CRACD: variants seen among roughly 807,000 people sequenced by gnomAD.
CRACD encodes the protein capping protein inhibiting regulator of actin dynamics.
A neutral mutation model predicts 106.8 loss-of-function variants in CRACD; 56 were observed. The ratio of observed to expected loss-of-function variants is 0.52; its 90% CI spans 0.42 to 0.66. CRACD has a LOEUF of 0.66. CRACD is among the 30% of genes least tolerant of loss of function. The pLI is 0.00. For missense variants in CRACD, 1,730 were observed against 1,623.2 expected (o/e 1.07, Z -1.13); for synonymous variants, 754 against 670.8 (o/e 1.12, Z -1.92).
intron 1 of CRACD, among the ~76,000 whole-genome samples, chr4:56,092,639 G>A (rs1733459447): frequency 6.6e-6 from 1 of 151,846 alleles, no homozygotes; most frequent in African/African-American, 2.4e-5. Flanking sequence ...GTCTCACTCT[G>A]TCGCCCAGGC....
At chr4:56,307,752 T>A in intron 5 of CRACD, 53 bp downstream of exon 5, 1 of 1,582,662 alleles carries the variant, frequency 6.3e-7, no homozygotes, top group Non-Finnish European at 8.7e-7. Flanking sequence ...GGCAGGACAT[T>A]GGGCCTCCAG....
At chr4:56,057,701 T>A (rs1282893983) in intron 1 of CRACD, among the ~76,000 whole-genome samples, 1 of 146,738 alleles carries the variant, frequency 6.8e-6, no homozygotes, top group African/African-American at 2.5e-5. Context: ...CTCAGCTCAC[T>A]GCAACCTCTG....
At chr4:56,259,862 T>A (rs1741593719) in intron 2 of CRACD, among the ~76,000 whole-genome samples, 1 of 152,134 alleles carries the variant, frequency 6.6e-6, no homozygotes, top group Admixed American at 6.5e-5. Context: ...GTAGAGCATG[T>A]CTAGAATACA....
intron 3 of CRACD, among the ~76,000 whole-genome samples, chr4:56,281,148 G>T (rs1014684324): frequency 1.3e-5 from 2 of 152,184 alleles, no homozygotes; most frequent in Non-Finnish European, 2.9e-5. Context: ...AGGCCGCACA[G>T]CAGGGGGTAA....
intron 1 of CRACD, among the ~76,000 whole-genome samples, chr4:56,104,419 AC>A (rs1254081623): frequency 6.6e-6 from 1 of 152,122 alleles, no homozygotes; most frequent in African/African-American, 2.4e-5. Flanking sequence ...AAAAAAACAA[AC>A]AAAACCAAAA....
chr4:56,284,070 A>G (rs1743186134), intron 3 of CRACD, among the ~76,000 whole-genome samples: 1 of 152,088 alleles, frequency 6.6e-6, no homozygotes, highest in Admixed American at 6.6e-5. Flanking sequence ...CCCATAACAC[A>G]TCTGCCTCAC....
intron 1 of CRACD, among the ~76,000 whole-genome samples, chr4:56,080,679 A>G (rs1006076355): frequency 6.6e-6 from 1 of 152,236 alleles, no homozygotes; most frequent in Non-Finnish European, 1.5e-5. Context: ...AAATGGTGAT[A>G]GCTTGCCAAC....
chr4:56,199,638 T>C (rs1577733115), intron 2 of CRACD, among the ~76,000 whole-genome samples: 1 of 142,358 alleles, frequency 7.0e-6, no homozygotes, highest in East Asian at 2.1e-4. Context: ...GCCAAGATGG[T>C]GCCACTGCAC....
intron 2 of CRACD, among the ~76,000 whole-genome samples, chr4:56,207,802 A>G (rs1332777365): frequency 2.0e-5 from 2 of 100,364 alleles, no homozygotes; most frequent in Non-Finnish European, 4.0e-5. Context: ...TTATTTTTTC[A>G]TTTATTTTAT....
At chr4:56,153,816 G>T (rs1032835182) in intron 1 of CRACD, among the ~76,000 whole-genome samples, 1 of 152,116 alleles carries the variant, frequency 6.6e-6, no homozygotes, top group Admixed American at 6.5e-5. Flanking sequence ...CTCCCTCAGG[G>T]CTTCACCTGG....
At chr4:56,252,445 C>G (rs1741110986) in intron 2 of CRACD, among the ~76,000 whole-genome samples, 1 of 152,180 alleles carries the variant, frequency 6.6e-6, no homozygotes, top group South Asian at 2.1e-4. Context: ...CTCCTCCTAA[C>G]TTTCTGTGGG....
At chr4:56,309,659 G>A (rs982038361) in intron 5 of CRACD, among the ~76,000 whole-genome samples, 7 of 152,078 alleles carry the variant, frequency 4.6e-5, no homozygotes, top group Non-Finnish European at 5.9e-5. Flanking sequence ...TTCGAGATCA[G>A]CCTGGCCAAT....
At chr4:56,250,034 C>T (rs946954730) in intron 2 of CRACD, among the ~76,000 whole-genome samples, 16 of 152,146 alleles carry the variant, frequency 1.1e-4, no homozygotes, top group Admixed American at 9.2e-4. Flanking sequence ...ATTCCATCTT[C>T]GAAGTAAATC....
intron 3 of CRACD, among the ~76,000 whole-genome samples, chr4:56,295,721 C>CA (rs1743983022): frequency 1.5e-5 from 2 of 131,144 alleles, no homozygotes; most frequent in Admixed American, 8.3e-5. Flanking sequence ...ATGCCCTTTG[C>CA]AAAAATACAA....
At chr4:56,319,686 C>G (rs1745935975) in intron 8 of CRACD, among the ~76,000 whole-genome samples, 1 of 152,008 alleles carries the variant, frequency 6.6e-6, no homozygotes, top group Non-Finnish European at 1.5e-5. Context: ...ATCTTTCTTT[C>G]TTAACTCCAG....
intron 1 of CRACD, among the ~76,000 whole-genome samples, chr4:56,101,501 G>A (rs192816891): frequency 1.3e-5 from 2 of 152,176 alleles, no homozygotes; most frequent in Admixed American, 6.5e-5. Context: ...AGTGGCTCAC[G>A]CCTATAATCC....
intron 1 of CRACD, among the ~76,000 whole-genome samples, chr4:56,171,230 G>A (rs763366093): frequency 2.6e-5 from 4 of 151,504 alleles, no homozygotes; most frequent in African/African-American, 7.3e-5. Flanking sequence ...AAACCTGCAC[G>A]TTGTGCACAT....
At chr4:56,149,036 G>A (rs1357272830) in intron 1 of CRACD, among the ~76,000 whole-genome samples, 1 of 152,114 alleles carries the variant, frequency 6.6e-6, no homozygotes, top group African/African-American at 2.4e-5. Flanking sequence ...GGCTGGTCTT[G>A]AACTCCTGAC....
At chr4:56,214,606 G>A (rs1454473437) in intron 2 of CRACD, among the ~76,000 whole-genome samples, 21 of 147,806 alleles carry the variant, frequency 1.4e-4, no homozygotes, top group African/African-American at 3.5e-4. Flanking sequence ...AAAAAAAAAA[G>A]AGACATATCG....
Sources: allele counts gnomAD v4.1 joint callset (sites outside exome capture counted in the v4.1 genomes callset), GRCh38; gene constraint gnomAD v4.1.1; transcripts MANE v1.5; gene names NCBI Gene and HGNC (gene_info 2026-07-23, HGNC 2026-07-21).